The following WDFY4 variants were observed in gnomAD, a reference collection of about 807,000 sequenced individuals.
WDFY4 encodes the protein WDFY family member 4.
A neutral mutation model predicts 351.9 loss-of-function variants in WDFY4; 169 were observed. That is an observed-to-expected ratio of 0.48 (90% CI 0.42 to 0.55). The LOEUF is 0.55. Among genes scored for constraint, WDFY4 ranks in the 20% least tolerant of loss-of-function variants. The probability of loss-of-function intolerance (pLI) is 0.00; values close to 1 mark genes in which losing one functional copy is unlikely to be tolerated. For missense variants in WDFY4, 3,803 were observed against 3,935.6 expected (o/e 0.97, Z 0.90); for synonymous variants, 1,622 against 1,574.6 (o/e 1.03, Z -0.71).
chr10:48,730,553 A>G (rs755524080), intron 8 of WDFY4, among the ~76,000 whole-genome samples: 8 of 152,206 alleles, frequency 5.3e-5, no homozygotes, highest in African/African-American at 9.6e-5. Context: ...AAGTGTAATT[A>G]TTTATCAGCT....
intron 13 of WDFY4, among the ~76,000 whole-genome samples, chr10:48,765,519 A>T (rs2132548968): frequency 6.6e-6 from 1 of 152,370 alleles, no homozygotes; most frequent in Non-Finnish European, 1.5e-5. Flanking sequence ...TGGTGCAGCT[A>T]CTATCATCAG....
intron 13 of WDFY4, among the ~76,000 whole-genome samples, chr10:48,767,098 A>G (rs569501926): frequency 1.3e-5 from 2 of 152,380 alleles, no homozygotes; most frequent in South Asian, 4.1e-4. Context: ...TGCATGATGC[A>G]GTATCAAAAT....
intron 47 of WDFY4, among the ~76,000 whole-genome samples, chr10:48,934,356 A>G (rs988101423): frequency 1.2e-4 from 19 of 152,208 alleles, no homozygotes; most frequent in Non-Finnish European, 7.3e-5. Context: ...TTTTACAGAC[A>G]TTACAATTGA....
chr10:48,742,210 G>C (rs1018475780), intron 11 of WDFY4, among the ~76,000 whole-genome samples: 1 of 152,216 alleles, frequency 6.6e-6, no homozygotes, highest in Non-Finnish European at 1.5e-5. Flanking sequence ...CTGGAGGGTG[G>C]TGGATTCCAC....
Position 48,702,147 on chromosome 10 carries a change from C to T in WDFY4, c.-17-7569C>T, listed in dbSNP as rs950799193. 8.5e-5 allele frequency among the ~76,000 whole-genome samples: 13 copies of T among 152,156 alleles called. No homozygotes were observed. In the South Asian group the frequency reaches 2.7e-3, roughly 31 times the overall value. ...CCTGAAAGCTTACTTCATAGTGGCT[C>T]TGCATTTTCATCTCTGTATCATCTC... is the stretch of plus-strand genomic sequence containing the variant. On this transcript the variant is annotated intron_variant, in intron 1 of 61. Coordinates refer to ENST00000325239, the MANE Select transcript of WDFY4 (RefSeq NM_001394531.1).
chr10:48,861,726 G>T (rs947796758), intron 39 of WDFY4, among the ~76,000 whole-genome samples: 1 of 151,824 alleles, frequency 6.6e-6, no homozygotes, highest in Non-Finnish European at 1.5e-5. Flanking sequence ...AAGCCTGTAG[G>T]TTTATATCTT....
At chr10:48,767,676 A>G (rs2065715498) in intron 13 of WDFY4, among the ~76,000 whole-genome samples, 1 of 152,186 alleles carries the variant, frequency 6.6e-6, no homozygotes, top group Admixed American at 6.5e-5. Context: ...AATCCATGGG[A>G]TCAAAATTCA....
intron 2 of WDFY4, among the ~76,000 whole-genome samples, chr10:48,716,031 A>G (rs1395999791): frequency 1.3e-5 from 2 of 152,088 alleles, no homozygotes; most frequent in East Asian, 1.9e-4. Context: ...ACTCTACCCC[A>G]TCTTGGAGTG....
chr10:48,689,035 C>A lies in WDFY4; in HGVS notation c.-18+4034C>A, dbSNP rs540366111. Among the ~76,000 whole-genome samples, 7 of 152,100 alleles carry A rather than the reference C, an allele frequency of 4.6e-5. No homozygotes were observed. In the East Asian group the frequency reaches 9.7e-4, roughly 21 times the overall value. On this transcript the variant is annotated intron_variant, in intron 1 of 61. Transcript: ENST00000325239. ...TGAAGAAATGAAGGCTTGGCCCCCT[C>A]CACCCCCACCCCAGTGAACTTCATG...
intron 47 of WDFY4, among the ~76,000 whole-genome samples, chr10:48,918,623 T>TTGG (rs1838767494): frequency 6.6e-6 from 1 of 152,220 alleles, no homozygotes; most frequent in Non-Finnish European, 1.5e-5. Flanking sequence ...ACCATTAGAA[T>TTGG]TGGAGACATC....
intron 47 of WDFY4, among the ~76,000 whole-genome samples, chr10:48,914,727 T>C (rs1454616761): frequency 6.6e-6 from 1 of 152,144 alleles, no homozygotes; most frequent in Admixed American, 6.5e-5. Context: ...CCTCTTCCCC[T>C]CATGGACCCA....
rs1842104657 is a variant in WDFY4, at chr10:48,966,814, C to T, written c.8584+141C>T. On this transcript the variant is annotated intron_variant, in intron 55 of 61. Coordinates refer to ENST00000325239, the MANE Select transcript of WDFY4 (RefSeq NM_001394531.1). ...TGAATGGCTGCATCTCCAGTCACAG[C>T]CAGATTCTAGGGGGGTGTCATCTCT... 3 of 1,196,046 alleles carry T rather than the reference C, an allele frequency of 2.5e-6. No individual in the cohort carries two copies. The African/African-American group carries it at 4.6e-5, about 18-fold the overall frequency. 74.1% of individuals were successfully genotyped at this position (1,196,046 alleles called of 1,614,324 possible).
chr10:48,941,810 T>C lies in WDFY4; in HGVS notation c.7591T>C (p.Tyr2531His). The change falls in exon 48 of 62, where the codon TAC (tyrosine) becomes CAC (histidine). Residue 2531 changes from tyrosine to histidine, a missense_variant. Tyr to His is a moderately conservative substitution (Grantham distance 83). Around this residue, in one of 3 missense-constraint regions of WDFY4, gnomAD observed 3,054 missense variants for 3,148.6 expected, o/e 0.97. Transcript: ENST00000325239. ...CCTTGGTTTTCTGTCCCACAGGAGA[T>C]ACCCCGGCTCTGACAGGATCATGCT... Reference protein sequence around the residue: ...TSEDTLSLRRYPGSDRIMLQK... With the variant: ...TSEDTLSLRRHPGSDRIMLQK... 1.3e-6 allele frequency: 2 copies of C among 1,552,130 alleles called. No individual in the cohort carries two copies. The highest frequency in any genetic ancestry group is 1.2e-5 in the South Asian group (1 of 84,062).
intron 30 of WDFY4, among the ~76,000 whole-genome samples, chr10:48,812,543 A>G (rs2067491610): frequency 6.6e-6 from 1 of 151,974 alleles, no homozygotes; most frequent in Non-Finnish European, 1.5e-5. Flanking sequence ...CCCGTTCCTC[A>G]TAAGCCATAA....
At chr10:48,849,567 C>G (rs1213884654) in intron 39 of WDFY4, among the ~76,000 whole-genome samples, 1 of 152,160 alleles carries the variant, frequency 6.6e-6, no homozygotes, top group Admixed American at 6.5e-5. Context: ...GCAGAGACTC[C>G]CATTCTCCAT....
chr10:48,732,396 TG>T (rs1260410724), intron 9 of WDFY4, among the ~76,000 whole-genome samples: 2 of 152,190 alleles, frequency 1.3e-5, no homozygotes, highest in Non-Finnish European at 2.9e-5. Flanking sequence ...CACAAGAATC[TG>T]GATGCTTACT....
At chr10:48,882,940 C>T (rs2070310730) in intron 43 of WDFY4, among the ~76,000 whole-genome samples, 1 of 152,202 alleles carries the variant, frequency 6.6e-6, no homozygotes, top group Admixed American at 6.5e-5. Context: ...GGTGGCTACT[C>T]ACTGGAATTG....
At chr10:48,697,968 A>G (rs1174100955) in intron 1 of WDFY4, among the ~76,000 whole-genome samples, 2 of 151,494 alleles carry the variant, frequency 1.3e-5, no homozygotes, top group African/African-American at 2.4e-5. Context: ...TTCCATCCCC[A>G]CGGGTGCGCC....
At chr10:48,867,171 A>AAAAATAAAATAAAAT (rs56031039) in intron 39 of WDFY4, 94 bp from the exon 40 acceptor site, 23,976 of 348,352 alleles carry the variant, frequency 0.069, 2,003 homozygotes, top group East Asian at 0.28. Flanking sequence ...CTGTGTCTCA[A>AAAAATAAAATAAAAT]AAAATAAAAT....
Sources: allele counts gnomAD v4.1 joint callset (sites outside exome capture counted in the v4.1 genomes callset), GRCh38; gene constraint gnomAD v4.1.1; regional missense constraint gnomAD v4.1.1; transcripts MANE v1.5; gene names NCBI Gene and HGNC (gene_info 2026-07-23, HGNC 2026-07-21).